Variants in CACUL1 observed in about 807,000 individuals in gnomAD.
CACUL1 encodes CDK2-associated and cullin domain-containing protein 1.
CACUL1 carries 13 observed loss-of-function variants against 45.2 expected under a neutral mutation model. The ratio of observed to expected loss-of-function variants is 0.29; its 90% CI spans 0.19 to 0.46. The LOEUF (loss-of-function observed/expected upper bound fraction) is 0.46, where lower values mean the gene tolerates loss of function less well. Among genes scored for constraint, CACUL1 ranks in the 20% least tolerant of loss-of-function variants. The probability of loss-of-function intolerance (pLI) is 1.00; values close to 1 mark genes in which losing one functional copy is unlikely to be tolerated. For synonymous variants in CACUL1, 197 were observed against 174.2 expected (o/e 1.13, Z -1.03); for missense variants, 421 against 471.4 (o/e 0.89, Z 0.99).
intron 4 of CACUL1, among the ~76,000 whole-genome samples, chr10:118,702,603 CAG>C (rs1292571728): frequency 4.9e-5 from 7 of 142,164 alleles, no homozygotes; most frequent in African/African-American, 1.8e-4. Flanking sequence ...TTTTTTGAGA[CAG>C]AGTTTTGTTC....
At position 118,730,324 on chromosome 10, in the gene CACUL1, G is replaced by A. The variant is rs540579492; in HGVS notation, c.454C>T (p.Pro152Ser). The change falls in exon 2 of 9, where the codon CCT (proline) becomes TCT (serine). Residue 152 changes from proline to serine, a missense_variant. Transcript: ENST00000369151. ...GAIDQLLTQS[P>S]GDYIPISYEQ... ...TAGGATATGGGGATATAGTCACCAG[G>A]ACTCTGAGTTAAAAGTTGATCTATG... is the stretch of plus-strand genomic sequence containing the variant. The A allele has an allele frequency of 1.2e-6, 2 of 1,613,864 alleles. No individual in the cohort carries two copies. Among genetic ancestry groups the A allele is most frequent in the African/African-American group, 1.3e-5 (1 of 74,920 alleles).
chr10:118,721,113 C>G (rs545672369), intron 3 of CACUL1, among the ~76,000 whole-genome samples: 13 of 152,328 alleles, frequency 8.5e-5, no homozygotes, highest in African/African-American at 2.9e-4. Context: ...TTAGAATACA[C>G]TTTGTAGTAC....
At chr10:118,725,935 T>C (rs189622787) in intron 3 of CACUL1, among the ~76,000 whole-genome samples, 47 of 152,324 alleles carry the variant, frequency 3.1e-4, no homozygotes, top group African/African-American at 1.1e-3. Context: ...TAAGTCCCTC[T>C]GACATATAAA....
chr10:118,710,457 C>T (rs1271922767), intron 3 of CACUL1, among the ~76,000 whole-genome samples: 1 of 152,204 alleles, frequency 6.6e-6, no homozygotes, highest in Non-Finnish European at 1.5e-5. Flanking sequence ...CAACTGTCTA[C>T]ACCTCTGGTT....
intron 1 of CACUL1, among the ~76,000 whole-genome samples, chr10:118,736,425 ACCCAGGC>A (rs1300309518): frequency 1.3e-5 from 2 of 151,790 alleles, no homozygotes; most frequent in East Asian, 3.9e-4. Flanking sequence ...TCACTCTGTC[ACCCAGGC>A]TGGAGTACAG....
rs184940483 is a variant in CACUL1, at chr10:118,677,430, A to C, written c.*8698T>G. On this transcript the variant is annotated 3_prime_UTR_variant, in exon 9 of 9. Coordinates refer to ENST00000369151, the MANE Select transcript of CACUL1 (RefSeq NM_153810.5). ...AGAACTGGCATGTTTAGAATGGTCC[A>C]AACGTTCATATTATGAAGTGCTTCC... 6.6e-5 allele frequency: 10 copies of C among 152,340 alleles called. No individual in the cohort carries two copies. The East Asian group carries it at 1.9e-3, about 29-fold the overall frequency. The allele number at this position is 152,340 out of a possible 1,614,324, so 9.4% of individuals were successfully genotyped here.
rs1045729337 is a variant in CACUL1 at position 118,683,942 on chromosome 10, T to C, written c.*2186A>G. The C allele has an allele frequency of 4.6e-5, 7 of 152,386 alleles. No individual in the cohort carries two copies. The highest frequency in any genetic ancestry group is 1.4e-4 in the African/African-American group (6 of 41,458). 9.4% of individuals were successfully genotyped at this position (152,386 alleles called of 1,614,324 possible). A position where few individuals can be genotyped will look rare whatever the true frequency, so the allele number is the denominator to read the frequency against. On this transcript the variant is annotated 3_prime_UTR_variant, in exon 9 of 9. Coordinates refer to ENST00000369151, the MANE Select transcript of CACUL1 (RefSeq NM_153810.5). ...TGGGAGACTATGTACAACCTTTCTA[T>C]AGTGACTTCCAGTCAAGGTTTTGTT...
intron 4 of CACUL1, among the ~76,000 whole-genome samples, chr10:118,702,159 A>G (rs1292806578): frequency 6.6e-6 from 1 of 152,092 alleles, no homozygotes; most frequent in Admixed American, 6.6e-5. Flanking sequence ...GCACCTTGTG[A>G]CCCCTGCCCA....
Position 118,691,409 on chromosome 10 carries a change from A to G in CACUL1, c.887-6T>C, listed in dbSNP as rs182158739. On this transcript the variant is annotated splice_region_variant and splice_polypyrimidine_tract_variant and intron_variant, in intron 6 of 8. Coordinates refer to ENST00000369151, the MANE Select transcript of CACUL1 (RefSeq NM_153810.5). ...TGGAGCCATCTGAACCCACTCTGTG[A>G]GGAAAGGAAACAATTCATTAAGGAA... is the stretch of plus-strand genomic sequence containing the variant. The G allele has an allele frequency of 0.012, 19,049 of 1,606,818 alleles. 181 individuals are homozygous for G. Among genetic ancestry groups the G allele is most frequent in the South Asian group, 0.018 (1,618 of 90,632 alleles).
At chr10:118,720,694 C>A (rs1158591293) in intron 3 of CACUL1, among the ~76,000 whole-genome samples, 1 of 152,160 alleles carries the variant, frequency 6.6e-6, no homozygotes, top group African/African-American at 2.4e-5. Flanking sequence ...TCAACTTATA[C>A]CAAGTACTTT....
At chr10:118,689,831 T>C (rs1438691937) in intron 7 of CACUL1, among the ~76,000 whole-genome samples, 1 of 152,254 alleles carries the variant, frequency 6.6e-6, no homozygotes, top group Non-Finnish European at 1.5e-5. Context: ...AAGAGCTATA[T>C]TCCTATACTG....
intron 3 of CACUL1, among the ~76,000 whole-genome samples, chr10:118,722,117 CTT>C (rs948092968): frequency 6.8e-6 from 1 of 148,042 alleles, no homozygotes; most frequent in Non-Finnish European, 1.5e-5. Context: ...GAGTTTCGCT[CTT>C]GTCACCCAGG....
intron 5 of CACUL1, among the ~76,000 whole-genome samples, chr10:118,699,649 A>ATTT (rs61106518): frequency 1.3e-5 from 2 of 149,116 alleles, no homozygotes; most frequent in Admixed American, 6.7e-5. Flanking sequence ...TCATGAGACA[A>ATTT]TTTTTTTTTT....
intron 1 of CACUL1, among the ~76,000 whole-genome samples, chr10:118,734,171 T>C (rs1188264936): frequency 6.6e-6 from 1 of 152,236 alleles, no homozygotes; most frequent in East Asian, 1.9e-4. Flanking sequence ...TTTTCAACTT[T>C]TTATTTCTTG....
At chr10:118,739,046 A>T (rs1023886140) in intron 1 of CACUL1, among the ~76,000 whole-genome samples, 1 of 151,916 alleles carries the variant, frequency 6.6e-6, no homozygotes, top group African/African-American at 2.4e-5. Flanking sequence ...ATACAAAAAA[A>T]ATAGCTGGGC....
Position 118,730,272 on chromosome 10 carries a change from A to G in CACUL1, c.494+12T>C, listed in dbSNP as rs1174197449. Reference sequence around the variant, plus strand: ...ACCCTTTCAAACCCAAGCAAATTAAATCTTAACTTACCTGTATATCTGTTC... The same window carrying G: ...ACCCTTTCAAACCCAAGCAAATTAAGTCTTAACTTACCTGTATATCTGTTC... On this transcript the variant is annotated intron_variant, in intron 2 of 8. Coordinates refer to ENST00000369151, the MANE Select transcript of CACUL1 (RefSeq NM_153810.5). 3 of 1,613,152 alleles carry G rather than the reference A, an allele frequency of 1.9e-6. No homozygotes were observed. The highest frequency in any genetic ancestry group is 2.5e-6 in the Non-Finnish European group (3 of 1,179,266).
intron 3 of CACUL1, among the ~76,000 whole-genome samples, chr10:118,727,725 A>G (rs1845664662): frequency 6.6e-6 from 1 of 152,248 alleles, no homozygotes; most frequent in African/African-American, 2.4e-5. Context: ...GGTTAAATTA[A>G]GGTGTATCAA....
intron 3 of CACUL1, 42 bp downstream of exon 3, chr10:118,729,253 G>A: frequency 7.1e-7 from 1 of 1,418,378 alleles, no homozygotes; most frequent in Non-Finnish European, 9.9e-7. Flanking sequence ...AACCAGTCAG[G>A]AAAACCCAAG....
chr10:118,750,551 T>C (rs1845887858), intron 1 of CACUL1, among the ~76,000 whole-genome samples: 1 of 152,212 alleles, frequency 6.6e-6, no homozygotes, highest in South Asian at 2.1e-4. Context: ...TTTTTATCTC[T>C]GTCCCAAAAC....
Sources: gnomAD v4.1 joint callset for allele counts (sites outside exome capture counted in the v4.1 genomes callset) on GRCh38, gnomAD v4.1.1 for gene constraint, MANE v1.5 for transcripts, NCBI Gene and HGNC (gene_info 2026-07-23, HGNC 2026-07-21) for gene names.